NALF1: variants seen among roughly 807,000 people sequenced by gnomAD.
NALF1 encodes NALCN channel auxiliary factor 1, also known as family with sequence similarity 155 member A.
In NALF1, 3 loss-of-function variants were observed where a neutral mutation model predicts 48.4. That is an observed-to-expected ratio of 0.06 (90% CI 0.03 to 0.16). The LOEUF is 0.16. Among genes scored for constraint, NALF1 ranks in the 10% least tolerant of loss-of-function variants. The probability of loss-of-function intolerance (pLI) is 1.00; values close to 1 mark genes in which losing one functional copy is unlikely to be tolerated. For missense variants in NALF1, 526 were observed against 571.5 expected (o/e 0.92, Z 0.81); for synonymous variants, 262 against 245.7 (o/e 1.07, Z -0.62).
chr13:107,307,987 C>T (rs1842946501), intron 1 of NALF1, among the ~76,000 whole-genome samples: 1 of 152,062 alleles, frequency 6.6e-6, no homozygotes, highest in African/African-American at 2.4e-5. Context: ...ATGTAATTTA[C>T]AACTGGCATT....
intron 1 of NALF1, among the ~76,000 whole-genome samples, chr13:107,506,240 C>G (rs1004326221): frequency 2.0e-5 from 3 of 151,898 alleles, no homozygotes; most frequent in Non-Finnish European, 4.4e-5. Context: ...TCCAGAAAGG[C>G]CTTTAAGTAG....
intron 2 of NALF1, among the ~76,000 whole-genome samples, chr13:107,175,849 C>G (rs1378777949): frequency 6.6e-6 from 1 of 152,158 alleles, no homozygotes; most frequent in African/African-American, 2.4e-5. Flanking sequence ...TGACCTATTT[C>G]TCAGGCCCTA....
chr13:107,603,153 T>C (rs1423006968), intron 1 of NALF1, among the ~76,000 whole-genome samples: 1 of 152,252 alleles, frequency 6.6e-6, no homozygotes, highest in African/African-American at 2.4e-5. Flanking sequence ...TTCATTGTAC[T>C]GATATGCAAT....
Position 107,265,693 on chromosome 13 carries a change from A to G in NALF1, c.916-54938T>C, listed in dbSNP as rs561884544. Among the ~76,000 whole-genome samples the G allele has an allele frequency of 2.6e-4, 39 of 149,936 alleles. No individual in the cohort carries two copies. In the South Asian group the frequency reaches 8.2e-3, roughly 31 times the overall value. On this transcript the variant is annotated intron_variant, in intron 1 of 2. Coordinates refer to ENST00000375915, the MANE Select transcript of NALF1 (RefSeq NM_001080396.3). Reference sequence around the variant, plus strand: ...AGTGCTGGGATCACAGCCATGAGCCACCATGCCTGGCCTACTTTTTTTTTT... The same window carrying G: ...AGTGCTGGGATCACAGCCATGAGCCGCCATGCCTGGCCTACTTTTTTTTTT...
chr13:107,469,948 T>A (rs893203789), intron 1 of NALF1, among the ~76,000 whole-genome samples: 11 of 151,730 alleles, frequency 7.2e-5, no homozygotes, highest in Non-Finnish European at 1.0e-4. Flanking sequence ...TTTCACCGTG[T>A]TAGCCAGGAT....
At chr13:107,818,350 G>C (rs970608920) in intron 1 of NALF1, among the ~76,000 whole-genome samples, 2 of 152,096 alleles carry the variant, frequency 1.3e-5, no homozygotes, top group African/African-American at 4.8e-5. Flanking sequence ...TTTTGCTCAG[G>C]GCCACATGTT....
chr13:107,201,393 G>A (rs531348957), intron 2 of NALF1, among the ~76,000 whole-genome samples: 2 of 152,192 alleles, frequency 1.3e-5, no homozygotes, highest in East Asian at 1.9e-4. Context: ...TGGCTAACAC[G>A]GCGAAATGCC....
intron 1 of NALF1, among the ~76,000 whole-genome samples, chr13:107,761,844 T>C (rs769244661): frequency 5.9e-5 from 9 of 152,186 alleles, no homozygotes; most frequent in Non-Finnish European, 8.8e-5. Flanking sequence ...ATCCCTGTCC[T>C]CCTAACACAT....
At chr13:107,233,278 C>T (rs1880265430) in intron 1 of NALF1, among the ~76,000 whole-genome samples, 2 of 152,130 alleles carry the variant, frequency 1.3e-5, no homozygotes. Context: ...AATACAGGTA[C>T]AGGAGAAGGT....
intron 1 of NALF1, among the ~76,000 whole-genome samples, chr13:107,504,840 AGC>A (rs979309407): frequency 2.6e-5 from 4 of 152,148 alleles, no homozygotes; most frequent in African/African-American, 9.7e-5. Flanking sequence ...AGCTGCTGTG[AGC>A]CCTCATGTCT....
chr13:107,767,833 GC>G (rs1877457535), intron 1 of NALF1, among the ~76,000 whole-genome samples: 1 of 151,942 alleles, frequency 6.6e-6, no homozygotes, highest in Non-Finnish European at 1.5e-5. Context: ...TATACTTCAG[GC>G]CATTGCTAAA....
intron 1 of NALF1, among the ~76,000 whole-genome samples, chr13:107,829,161 T>C (rs1288710451): frequency 6.6e-6 from 1 of 152,222 alleles, no homozygotes; most frequent in African/African-American, 2.4e-5. Flanking sequence ...CCATTATTTC[T>C]ACAAAGCAAT....
intron 1 of NALF1, among the ~76,000 whole-genome samples, chr13:107,661,903 CTTA>C (rs762122082): frequency 1.1e-4 from 16 of 151,998 alleles, no homozygotes; most frequent in Non-Finnish European, 2.2e-4. Context: ...ACATAAATTT[CTTA>C]TTTTTTTCAA....
intron 1 of NALF1, among the ~76,000 whole-genome samples, chr13:107,733,145 G>T (rs1876362062): frequency 1.8e-5 from 1 of 56,742 alleles, no homozygotes; most frequent in South Asian, 5.0e-4. Flanking sequence ...TATTCTAGTA[G>T]GATAAAAAAA....
intron 1 of NALF1, among the ~76,000 whole-genome samples, chr13:107,535,311 G>A (rs1876767925): frequency 6.6e-6 from 1 of 152,066 alleles, no homozygotes; most frequent in South Asian, 2.1e-4. Flanking sequence ...GATATTGGCT[G>A]TGGGTTTGTC....
At chr13:107,628,814 T>C (rs899330310) in intron 1 of NALF1, among the ~76,000 whole-genome samples, 4 of 152,212 alleles carry the variant, frequency 2.6e-5, no homozygotes, top group Admixed American at 6.6e-5. Flanking sequence ...TCATGGCATC[T>C]AGACATCAGA....
intron 2 of NALF1, among the ~76,000 whole-genome samples, chr13:107,175,429 A>C (rs1394603835): frequency 2.0e-5 from 3 of 152,064 alleles, no homozygotes; most frequent in African/African-American, 7.2e-5. Flanking sequence ...TACTTTTTCT[A>C]AGTTTCAGCA....
intron 1 of NALF1, among the ~76,000 whole-genome samples, chr13:107,633,982 C>A (rs1879907102): frequency 1.1e-5 from 1 of 92,070 alleles, no homozygotes; most frequent in South Asian, 3.5e-4. Flanking sequence ...TCCTGTTTTA[C>A]CAAATTGATC....
At chr13:107,259,693 G>GT (rs1443817765) in intron 1 of NALF1, among the ~76,000 whole-genome samples, 10 of 152,312 alleles carry the variant, frequency 6.6e-5, no homozygotes, top group Non-Finnish European at 1.5e-4. Flanking sequence ...GGTTTCCAAT[G>GT]TTTTTATTAA....
Sources: allele counts gnomAD v4.1 joint callset (sites outside exome capture counted in the v4.1 genomes callset), GRCh38; gene constraint gnomAD v4.1.1; transcripts MANE v1.5; gene names NCBI Gene and HGNC (gene_info 2026-07-23, HGNC 2026-07-21).